The following TMEM14C variants were observed in gnomAD, a reference collection of about 807,000 sequenced individuals.
The protein encoded by TMEM14C is transmembrane protein 14C.
Under a neutral mutation model 14.8 loss-of-function variants are expected in TMEM14C, and 13 were observed. The observed-to-expected ratio is 0.88, with a 90% CI of 0.57 to 1.40. The LOEUF (loss-of-function observed/expected upper bound fraction) is 1.40. Among genes scored for constraint, TMEM14C ranks in the 40% most tolerant of loss-of-function variants. The probability of loss-of-function intolerance (pLI) is 0.00; values close to 1 mark genes in which losing one functional copy is unlikely to be tolerated. For missense variants in TMEM14C, 142 were observed against 138.8 expected (o/e 1.02, Z -0.12); for synonymous variants, 57 against 51.3 (o/e 1.11, Z -0.48).
chr6:10,725,248 G>A (rs1444629044), intron 3 of TMEM14C, among the ~76,000 whole-genome samples: 3 of 152,140 alleles, frequency 2.0e-5, no homozygotes, highest in East Asian at 3.8e-4. Context: ...GGAATTACTT[G>A]TTTTTGCCTC....
intron 4 of TMEM14C, among the ~76,000 whole-genome samples, chr6:10,727,638 G>A (rs753659964): frequency 2.0e-5 from 3 of 152,026 alleles, no homozygotes; most frequent in Non-Finnish European, 4.4e-5. Context: ...CGTAGGCAAC[G>A]TGGTGAAACC....
intron 5 of TMEM14C, among the ~76,000 whole-genome samples, chr6:10,729,155 G>A (rs1770957370): frequency 6.6e-6 from 1 of 152,186 alleles, no homozygotes; most frequent in African/African-American, 2.4e-5. Context: ...TTATTGAGAC[G>A]GAGTATCACT....
In TMEM14C at chr6:10,723,144, G is replaced by C. The variant is rs950758811; in HGVS notation, c.-142G>C. 1.3e-5 allele frequency: 2 copies of C among 152,338 alleles called. No homozygotes were observed. Among genetic ancestry groups the C allele is most frequent in the African/African-American group, 2.4e-5 (1 of 41,472 alleles). 9.4% of individuals were successfully genotyped at this position (152,338 alleles called of 1,614,324 possible). On this transcript the variant is annotated 5_prime_UTR_variant, in exon 1 of 6. Transcript: ENST00000229563. The stretch of plus-strand genomic sequence containing the variant: ...GCTCCCCTCTCCTCGCCCCGCCACC[G>C]GGACGGAGAGCGCCCGCCGCTGCAT...
chr6:10,729,780 A>AAAAC (rs147302140), intron 5 of TMEM14C, among the ~76,000 whole-genome samples: 32 of 151,506 alleles, frequency 2.1e-4, no homozygotes, highest in Admixed American at 3.3e-4. Flanking sequence ...TCCATCTCAA[A>AAAAC]AAACAAACAA....
intron 3 of TMEM14C, 26 bp from the exon 4 acceptor site, chr6:10,725,881 T>C: frequency 6.2e-7 from 1 of 1,612,606 alleles, no homozygotes. Context: ...GACATTACAA[T>C]GCAAGCTGTG....
Position 10,725,945 on chromosome 6 carries a change from A to G in TMEM14C, c.136A>G (p.Ser46Gly). 1 of 1,614,078 alleles carries G rather than the reference A, an allele frequency of 6.2e-7. No homozygotes were observed. Among genetic ancestry groups the G allele is most frequent in the Non-Finnish European group, 8.5e-7 (1 of 1,180,010 alleles). The part of the protein sequence containing the change: ...PSLAAGLLFG[S>G]LAGLGAYQLS... Reference sequence around the variant, plus strand: ...CCTGGCTGCAGGGCTGCTCTTTGGCAGTCTAGCCGGCCTGGGTGCTTACCA... The same window carrying G: ...CCTGGCTGCAGGGCTGCTCTTTGGCGGTCTAGCCGGCCTGGGTGCTTACCA... Residue 46 changes from serine to glycine, a missense_variant, in exon 4 of 6, where the codon AGT (serine) becomes GGT (glycine). By Grantham distance (56) the Ser-to-Gly change is moderately conservative. Coordinates refer to ENST00000229563, the MANE Select transcript of TMEM14C (RefSeq NM_016462.4).
Position 10,728,165 on chromosome 6 carries a change from A to G in TMEM14C, c.200-475A>G, listed in dbSNP as rs141795218. The stretch of plus-strand genomic sequence containing the variant: ...AGCCTTTTTATTCGTGTGAGTCTTT[A>G]AAGTCTGTCCCATCAGACCTGAAGC... On this transcript the variant is annotated intron_variant, in intron 4 of 5. Coordinates refer to ENST00000229563, the MANE Select transcript of TMEM14C (RefSeq NM_016462.4). Among the ~76,000 whole-genome samples the G allele has an allele frequency of 2.6e-5, 4 of 152,328 alleles. No individual in the cohort carries two copies. The East Asian group carries it at 5.8e-4, about 22-fold the overall frequency.
At chr6:10,726,633 T>C (rs1770869921) in intron 4 of TMEM14C, among the ~76,000 whole-genome samples, 1 of 152,006 alleles carries the variant, frequency 6.6e-6, no homozygotes, top group East Asian at 1.9e-4. Context: ...GAGATTGCAG[T>C]TGAGCTGAGA....
intron 3 of TMEM14C, among the ~76,000 whole-genome samples, chr6:10,725,461 T>G (rs1214608823): frequency 3.9e-5 from 6 of 152,156 alleles, no homozygotes; most frequent in Non-Finnish European, 7.4e-5. Context: ...AGTCCTTGCC[T>G]GCATTCCCAC....
At position 10,725,971 on chromosome 6, in the gene TMEM14C, G is replaced by C; in HGVS notation, c.162G>C (p.Gln54His). 6.2e-7 allele frequency: 1 copy of C among 1,614,136 alleles called. No homozygotes were observed. The highest frequency in any genetic ancestry group is 8.5e-7 in the Non-Finnish European group (1 of 1,180,024). Residue 54 changes from glutamine (Q) to histidine (H), a missense_variant, in exon 4 of 6, where the codon CAG (glutamine) becomes CAC (histidine). By Grantham distance (24) the Gln-to-His change is conservative. Coordinates refer to ENST00000229563, the MANE Select transcript of TMEM14C (RefSeq NM_016462.4). ...FGSLAGLGAY[Q>H]LSQDPRNVWV... is the part of the protein sequence containing the mutation. ...GTCTAGCCGGCCTGGGTGCTTACCA[G>C]CTGTCTCAGGATCCAAGGAACGTTT...
Position 10,727,283 on chromosome 6 carries a change from C to G in TMEM14C, c.199+1275C>G, listed in dbSNP as rs185491412. 1.5e-4 allele frequency among the ~76,000 whole-genome samples: 23 copies of G among 152,168 alleles called. No individual in the cohort carries two copies. The East Asian group carries it at 4.5e-3, about 30-fold the overall frequency. ...CAGGATCCTGTCTTGTATTTGTATT[C>G]CTCCTTTTAGGTGGATCCCCGCATT... On this transcript the variant is annotated intron_variant, in intron 4 of 5. Coordinates refer to ENST00000229563, the MANE Select transcript of TMEM14C (RefSeq NM_016462.4).
intron 5 of TMEM14C, among the ~76,000 whole-genome samples, chr6:10,729,381 C>T (rs1770964971): frequency 6.6e-6 from 1 of 152,188 alleles, no homozygotes; most frequent in South Asian, 2.1e-4. Flanking sequence ...GATCCGCCCA[C>T]TTCGGCCTCC....
In TMEM14C at chr6:10,728,508, G is replaced by A. The variant is rs148155088; in HGVS notation, c.200-132G>A. ...GATGTGGGCAGTCAGTAGTCTCCCCGACTTGGGGAAAGAGGAATAAGCATA... is the reference window on the plus strand; with the variant it reads ...GATGTGGGCAGTCAGTAGTCTCCCCAACTTGGGGAAAGAGGAATAAGCATA... On this transcript the variant is annotated intron_variant, in intron 4 of 5. Coordinates refer to ENST00000229563, the MANE Select transcript of TMEM14C (RefSeq NM_016462.4). The A allele has an allele frequency of 6.1e-5, 59 of 961,066 alleles. No individual in the cohort carries two copies. The East Asian group carries it at 6.2e-4, about 10-fold the overall frequency. The allele number at this position is 961,066 out of a possible 1,614,324, so 59.5% of individuals were successfully genotyped here.
chr6:10,726,123 C>A, intron 4 of TMEM14C, 115 bp downstream of exon 4: 2 of 1,150,970 alleles, frequency 1.7e-6, no homozygotes, highest in Non-Finnish European at 2.5e-6. Flanking sequence ...ACGACAATTT[C>A]ACTGCTTCTA....
At chr6:10,726,090 G>C in intron 4 of TMEM14C, 82 bp downstream of exon 4, 3 of 1,503,538 alleles carry the variant, frequency 2.0e-6, no homozygotes, top group Non-Finnish European at 2.8e-6. Flanking sequence ...GGTGGGATGG[G>C]GTGAGTTCTT....
intron 1 of TMEM14C, among the ~76,000 whole-genome samples, chr6:10,723,611 T>TTG (rs397731877): frequency 6.6e-6 from 1 of 151,014 alleles, no homozygotes; most frequent in Non-Finnish European, 1.5e-5. Context: ...TTTTTTTTTT[T>TTG]GTCCTTGAGG....
intron 5 of TMEM14C, 180 bp downstream of exon 5, chr6:10,728,907 A>T: frequency 2.1e-6 from 3 of 1,410,560 alleles, no homozygotes; most frequent in East Asian, 5.0e-5. Flanking sequence ...TCAAAATGGC[A>T]TGAGTATATC....
chr6:10,726,561 G>A (rs1176701313), intron 4 of TMEM14C, among the ~76,000 whole-genome samples: 1 of 152,090 alleles, frequency 6.6e-6, no homozygotes, highest in Non-Finnish European at 1.5e-5. Flanking sequence ...GTGGTGGCGG[G>A]TGCCTGTAGT....
At position 10,731,032 on chromosome 6, in the gene TMEM14C, T is replaced by G. The variant is rs1371107108; in HGVS notation, c.*366T>G. 1.0e-6 allele frequency: 1 copy of G among 993,282 alleles called. No homozygotes were observed. The highest frequency in any genetic ancestry group is 1.2e-6 in the Non-Finnish European group (1 of 835,146). The allele number at this position is 993,282 out of a possible 1,614,324, so 61.5% of individuals were successfully genotyped here. On this transcript the variant is annotated 3_prime_UTR_variant, in exon 6 of 6. Coordinates refer to ENST00000229563, the MANE Select transcript of TMEM14C (RefSeq NM_016462.4). ...TGTGAAAAAAAGTCTTTTAGGAGAT[T>G]TACAATATCTGTTCTTTTGCTCATC...
Sources: allele counts gnomAD v4.1 joint callset (sites outside exome capture counted in the v4.1 genomes callset), GRCh38; gene constraint gnomAD v4.1.1; transcripts MANE v1.5; gene names NCBI Gene and HGNC (gene_info 2026-07-23, HGNC 2026-07-21).